BBX: variants seen among roughly 807,000 people sequenced by gnomAD.
BBX encodes the protein BBX high mobility group box domain containing.
Under a neutral mutation model 100.2 loss-of-function variants are expected in BBX, and 30 were observed. The ratio of observed to expected loss-of-function variants is 0.30; its 90% CI spans 0.22 to 0.41. The LOEUF is 0.41. Among genes scored for constraint, BBX ranks in the 10% least tolerant of loss-of-function variants. BBX has a pLI of 1.00. For missense variants in BBX, 1,023 were observed against 1,129.8 expected, an observed-to-expected ratio of 0.91 and a Z score of 1.35; for synonymous variants, 376 against 388.1, an observed-to-expected ratio of 0.97 and a Z score of 0.37.
At chr3:107,668,269 G>A (rs329922) in intron 3 of BBX, among the ~76,000 whole-genome samples, 72,126 of 151,996 alleles carry the variant, frequency 0.47, 18,242 homozygotes, top group East Asian at 0.96. Context: ...TGCTCAGCCA[G>A]TGGACACTAC....
At chr3:107,643,764 A>G (rs570593117) in intron 2 of BBX, among the ~76,000 whole-genome samples, 1 of 152,172 alleles carries the variant, frequency 6.6e-6, no homozygotes, top group Non-Finnish European at 1.5e-5. Flanking sequence ...ATTTAAATGC[A>G]GACCAGGCTA....
At chr3:107,553,839 C>T (rs1228977232) in intron 2 of BBX, among the ~76,000 whole-genome samples, 1 of 152,102 alleles carries the variant, frequency 6.6e-6, no homozygotes, top group Non-Finnish European at 1.5e-5. Flanking sequence ...TTTATTCTAT[C>T]TAGTGTTATT....
rs946461695 is a variant in BBX at position 107,808,888 on chromosome 3, C to T, written c.*3431C>T. 2.0e-5 allele frequency: 3 copies of T among 152,148 alleles called. No homozygotes were observed. The highest frequency in any genetic ancestry group is 7.2e-5 in the African/African-American group (3 of 41,418). The allele number at this position is 152,148 out of a possible 1,614,324, so 9.4% of individuals were successfully genotyped here. ...TTCTACCGATGCCATGTCCCAAAGC[C>T]ATGTTAAAATAATTCCCACGTTATC... On this transcript the variant is annotated 3_prime_UTR_variant, in exon 18 of 18. Transcript: ENST00000325805.
intron 3 of BBX, among the ~76,000 whole-genome samples, chr3:107,667,499 T>G (rs1279337386): frequency 6.6e-6 from 1 of 151,812 alleles, no homozygotes; most frequent in East Asian, 1.9e-4. Context: ...ATTAATAAAA[T>G]AAGTTGGACC....
In BBX at chr3:107,762,011, A is replaced by G. The variant is rs187756314; in HGVS notation, c.906+6333A>G. Among the ~76,000 whole-genome samples the G allele has an allele frequency of 1.6e-3, 243 of 152,316 alleles. 2 individuals carry two copies. The Middle Eastern group carries it at 0.024, about 15-fold the overall frequency. On this transcript the variant is annotated intron_variant, in intron 10 of 17. Coordinates refer to ENST00000325805, the MANE Select transcript of BBX (RefSeq NM_001142568.3). ...ACTATCGTCATATAAATGAATTCTA[A>G]TACTTAAAATGCATTTAAGGGGACC... is the stretch of plus-strand genomic sequence containing the variant.
chr3:107,747,239 G>A lies in BBX; in HGVS notation c.751-726G>A, dbSNP rs1576614991. Among the ~76,000 whole-genome samples the A allele has an allele frequency of 2.0e-5, 3 of 152,220 alleles. No individual in the cohort carries two copies. In the South Asian group the frequency reaches 6.2e-4, roughly 32 times the overall value. On this transcript the variant is annotated intron_variant, in intron 8 of 17. Coordinates refer to ENST00000325805, the MANE Select transcript of BBX (RefSeq NM_001142568.3). ...CACACTAACGTGTGAGTGTGTGTGT[G>A]TGTGTGTGTGTTTGTGTTGGGTGGG... is the stretch of plus-strand genomic sequence containing the variant.
At chr3:107,692,344 C>T (rs183326359) in intron 3 of BBX, among the ~76,000 whole-genome samples, 1 of 152,018 alleles carries the variant, frequency 6.6e-6, no homozygotes, top group African/African-American at 2.4e-5. Flanking sequence ...ATCCCTCCCC[C>T]CTCACCCCAC....
intron 2 of BBX, among the ~76,000 whole-genome samples, chr3:107,615,149 C>T (rs964743928): frequency 6.6e-6 from 1 of 152,144 alleles, no homozygotes; most frequent in African/African-American, 2.4e-5. Context: ...ATTGGTGTTT[C>T]AACAAGCTGG....
chr3:107,774,130 A>G (rs1054100032), intron 11 of BBX, among the ~76,000 whole-genome samples: 2 of 152,234 alleles, frequency 1.3e-5, no homozygotes, highest in African/African-American at 2.4e-5. Flanking sequence ...TGGGAGGCCA[A>G]GGCGGGTGCA....
At chr3:107,700,053 A>G (rs1197143509) in intron 3 of BBX, among the ~76,000 whole-genome samples, 1 of 152,008 alleles carries the variant, frequency 6.6e-6, no homozygotes, top group African/African-American at 2.4e-5. Context: ...TGCATTAGGC[A>G]GTACCATAGC....
At chr3:107,690,691 A>G (rs2060103759) in intron 3 of BBX, among the ~76,000 whole-genome samples, 2 of 152,168 alleles carry the variant, frequency 1.3e-5, no homozygotes, top group South Asian at 4.2e-4. Context: ...ATGCTAGAAA[A>G]TAAAAATTTG....
intron 4 of BBX, chr3:107,711,312 C>T (rs566662919): frequency 2.1e-6 from 1 of 471,098 alleles, no homozygotes; most frequent in East Asian, 6.9e-5. Context: ...AGGGGCCTTG[C>T]CTGTCTCGTC....
chr3:107,676,875 G>A (rs572463464), intron 3 of BBX, among the ~76,000 whole-genome samples: 37 of 152,214 alleles, frequency 2.4e-4, no homozygotes, highest in Non-Finnish European at 4.4e-4. Flanking sequence ...TTAAATGTAA[G>A]CAAGCAGAGA....
chr3:107,525,802 C>T (rs551221014), intron 1 of BBX, among the ~76,000 whole-genome samples: 34 of 152,246 alleles, frequency 2.2e-4, no homozygotes, highest in African/African-American at 7.9e-4. Flanking sequence ...GATTGTGACC[C>T]GGGCTGGGTG....
At chr3:107,785,894 A>C (rs1279455976) in intron 13 of BBX, among the ~76,000 whole-genome samples, 1 of 152,060 alleles carries the variant, frequency 6.6e-6, no homozygotes, top group East Asian at 1.9e-4. Context: ...AATTATATTT[A>C]TTCTCAGATA....
intron 2 of BBX, among the ~76,000 whole-genome samples, chr3:107,595,289 C>A: frequency 6.6e-6 from 1 of 152,292 alleles, no homozygotes; most frequent in Admixed American, 6.5e-5. Flanking sequence ...ATAATAGTAA[C>A]TTTATAATAG....
At chr3:107,745,806 C>G (rs181519544) in intron 8 of BBX, among the ~76,000 whole-genome samples, 2 of 152,128 alleles carry the variant, frequency 1.3e-5, no homozygotes, top group East Asian at 3.9e-4. Context: ...AGATTGGTCC[C>G]AACTTTGAAA....
rs183828809 is a variant in BBX at position 107,529,836 on chromosome 3, T to C, written c.-84+3438T>C. Among the ~76,000 whole-genome samples, 555 of 152,244 alleles carry C rather than the reference T, an allele frequency of 3.6e-3. 3 individuals carry two copies. Among genetic ancestry groups the C allele is most frequent in the Admixed American group, 0.011 (166 of 15,286 alleles). ...GGGGATTGTCTTCATTTTTTTTTTT[T>C]TGCTTTCAAGGAAACAGGTAAGAAT... On this transcript the variant is annotated intron_variant, in intron 2 of 17. Transcript: ENST00000325805.
intron 14 of BBX, among the ~76,000 whole-genome samples, chr3:107,790,431 G>A (rs2068890506): frequency 6.6e-6 from 1 of 152,010 alleles, no homozygotes; most frequent in East Asian, 1.9e-4. Flanking sequence ...TCACATGCCT[G>A]TTACTTGAAA....
Sources: allele counts gnomAD v4.1 joint callset (sites outside exome capture counted in the v4.1 genomes callset), GRCh38; gene constraint gnomAD v4.1.1; transcripts MANE v1.5; gene names NCBI Gene and HGNC (gene_info 2026-07-23, HGNC 2026-07-21).